Variants in SCAF8 observed in about 807,000 individuals in gnomAD.
The protein encoded by SCAF8 is SR-related CTD associated factor 8, also known as SR-related and CTD-associated factor 8.
A neutral mutation model predicts 140.5 loss-of-function variants in SCAF8; 23 were observed. The ratio of observed to expected loss-of-function variants is 0.16; its 90% CI spans 0.12 to 0.23. SCAF8 has a LOEUF of 0.23. Ranked by LOEUF, SCAF8 falls within the 10% of genes least tolerant of loss-of-function variation. The pLI, the probability that SCAF8 is intolerant of heterozygous loss-of-function variation, is 1.00. For missense variants in SCAF8, 1,397 were observed against 1,555.7 expected (o/e 0.90, Z 1.72); for synonymous variants, 575 against 528.9 (o/e 1.09, Z -1.20).
chr6:154,800,994 C>CA (rs1157280425), intron 6 of SCAF8, among the ~76,000 whole-genome samples: 1 of 151,314 alleles, frequency 6.6e-6, no homozygotes, highest in Non-Finnish European at 1.5e-5. Context: ...ACTGCGAAGT[C>CA]AGAGTAGAGG....
At chr6:154,767,665 G>T (rs12214331) in intron 1 of SCAF8, among the ~76,000 whole-genome samples, 1 of 149,898 alleles carries the variant, frequency 6.7e-6, no homozygotes, top group Non-Finnish European at 1.5e-5. Context: ...TCAGCCTGTA[G>T]TTGGGACTAC....
Position 154,832,470 on chromosome 6 carries a change from C to T in SCAF8, c.2891C>T (p.Pro964Leu), listed in dbSNP as rs758269046. 33 of 1,614,046 alleles carry T rather than the reference C, an allele frequency of 2.0e-5. No individual in the cohort carries two copies. The highest frequency in any genetic ancestry group is 1.7e-4 in the Middle Eastern group (1 of 6,058). The change falls in exon 20 of 20, where the codon CCA (proline) becomes CTA (leucine). Residue 964 changes from proline to leucine, a missense_variant. Around this residue, in one of 5 missense-constraint regions of SCAF8, gnomAD observed 930 missense variants for 874.6 expected, o/e 1.06. Coordinates refer to ENST00000367178, the MANE Select transcript of SCAF8 (RefSeq NM_014892.5). ...PPSVLDSALH[P>L]PPRGPFPPGD... is the part of the protein sequence containing the mutation. ...TCGGTACTTGATTCAGCTCTTCATC[C>T]ACCACCCCGTGGACCTTTTCCTCCA... is the stretch of plus-strand genomic sequence containing the variant.
At chr6:154,738,206 A>G (rs1291555805) in intron 1 of SCAF8, among the ~76,000 whole-genome samples, 1 of 151,902 alleles carries the variant, frequency 6.6e-6, no homozygotes, top group Non-Finnish European at 1.5e-5. Flanking sequence ...AAAAAAAAAA[A>G]AAAGAAAAGA....
At chr6:154,794,827 G>A (rs1335701033) in intron 5 of SCAF8, among the ~76,000 whole-genome samples, 182 bp from the exon 6 acceptor site, 1 of 127,630 alleles carries the variant, frequency 7.8e-6, no homozygotes, top group Non-Finnish European at 1.6e-5. Context: ...GTGTGTGTGT[G>A]TGTTTAATGT....
chr6:154,782,526 T>TA (rs1267526399), intron 3 of SCAF8, among the ~76,000 whole-genome samples: 1 of 152,162 alleles, frequency 6.6e-6, no homozygotes, highest in East Asian at 1.9e-4. Flanking sequence ...TAGAACTTGT[T>TA]ATGATCCTGT....
At chr6:154,830,508 A>G (rs1778698583) in intron 18 of SCAF8, among the ~76,000 whole-genome samples, 1 of 152,158 alleles carries the variant, frequency 6.6e-6, no homozygotes, top group Non-Finnish European at 1.5e-5. Flanking sequence ...GTAATGTTAA[A>G]TGAATGTTAG....
intron 1 of SCAF8, among the ~76,000 whole-genome samples, chr6:154,750,313 T>G (rs1380684527): frequency 6.6e-6 from 1 of 152,118 alleles, no homozygotes; most frequent in Non-Finnish European, 1.5e-5. Flanking sequence ...ACTAAATATA[T>G]GGGTTGGGTA....
In SCAF8 at chr6:154,753,752, T is replaced by C. The variant is rs2114811993; in HGVS notation, c.30+19822T>C. On this transcript the variant is annotated intron_variant, in intron 1 of 19. Transcript: ENST00000367178. ...TGGCCTACCAGCCGTTTAACAGTGG[T>C]TATTTCTGAAGAAAGCAGTAGGTGG... Among the ~76,000 whole-genome samples, 3 of 152,320 alleles carry C rather than the reference T, an allele frequency of 2.0e-5. No homozygotes were observed. The Middle Eastern group carries it at 0.01, about 518-fold the overall frequency.
chr6:154,795,932 T>G (rs534369773), intron 6 of SCAF8, among the ~76,000 whole-genome samples: 87 of 152,352 alleles, frequency 5.7e-4, no homozygotes, highest in African/African-American at 2.0e-3. Context: ...TAGATTTATT[T>G]CCATGAATAT....
chr6:154,752,524 G>A (rs536714193), intron 1 of SCAF8, among the ~76,000 whole-genome samples: 20 of 152,028 alleles, frequency 1.3e-4, no homozygotes, highest in South Asian at 2.1e-4. Flanking sequence ...CTGCAACTGC[G>A]GAACATGTAG....
chr6:154,762,182 A>G (rs1358374166), intron 1 of SCAF8, among the ~76,000 whole-genome samples: 1 of 152,216 alleles, frequency 6.6e-6, no homozygotes, highest in East Asian at 1.9e-4. Flanking sequence ...CTTGTGGCTA[A>G]AAACAGCATG....
chr6:154,785,240 C>A (rs777415805), intron 3 of SCAF8, among the ~76,000 whole-genome samples: 91 of 152,126 alleles, frequency 6.0e-4, no homozygotes, highest in Non-Finnish European at 1.2e-3. Context: ...TTGCCCACTT[C>A]TGTTGACATT....
chr6:154,822,519 G>T, intron 16 of SCAF8, 110 bp downstream of exon 16: 1 of 1,125,976 alleles, frequency 8.9e-7, no homozygotes. Context: ...TAGAATAAAT[G>T]TTTGTCAGTA....
rs796345877 is a variant in SCAF8 at position 154,733,834 on chromosome 6, T to A, written c.-67T>A. ...GGCCACGCAGCAGCCCGCGTCTCGCTCTCCCCACCCAGTGCAGTGGCCGCC... is the reference window on the plus strand; with the variant it reads ...GGCCACGCAGCAGCCCGCGTCTCGCACTCCCCACCCAGTGCAGTGGCCGCC... On this transcript the variant is annotated 5_prime_UTR_variant, in exon 1 of 20. Coordinates refer to ENST00000367178, the MANE Select transcript of SCAF8 (RefSeq NM_014892.5). 6.6e-6 allele frequency: 10 copies of A among 1,509,714 alleles called. No homozygotes were observed. In the African/African-American group the frequency reaches 1.5e-4, roughly 22 times the overall value. The allele number at this position is 1,509,714 out of a possible 1,614,324, so 93.5% of individuals were successfully genotyped here. A position where few individuals can be genotyped will look rare whatever the true frequency, so the allele number is the denominator to read the frequency against.
At chr6:154,790,294 A>C (rs1308023391) in intron 4 of SCAF8, among the ~76,000 whole-genome samples, 3 of 152,160 alleles carry the variant, frequency 2.0e-5, no homozygotes, top group Non-Finnish European at 4.4e-5. Context: ...GAGTGGAGAA[A>C]TAGTCAAATC....
rs567227183 is a variant in SCAF8 at position 154,752,161 on chromosome 6, C to G, written c.30+18231C>G. Among the ~76,000 whole-genome samples the G allele has an allele frequency of 1.6e-4, 24 of 152,216 alleles. No homozygotes were observed. The East Asian group carries it at 4.2e-3, about 27-fold the overall frequency. On this transcript the variant is annotated intron_variant, in intron 1 of 19. Coordinates refer to ENST00000367178, the MANE Select transcript of SCAF8 (RefSeq NM_014892.5). ...TTAGAAGGTTCCTAGTCTCTAGAGGCCTTTTAAAGCCTGAAAAGGCTTCAA... is the reference window on the plus strand; with the variant it reads ...TTAGAAGGTTCCTAGTCTCTAGAGGGCTTTTAAAGCCTGAAAAGGCTTCAA...
At chr6:154,780,676 T>G (rs370781700) in intron 3 of SCAF8, among the ~76,000 whole-genome samples, 46 of 152,308 alleles carry the variant, frequency 3.0e-4, no homozygotes, top group Middle Eastern at 3.4e-3. Context: ...TCCAGCTTCA[T>G]CCATGTCACT....
Position 154,829,557 on chromosome 6 carries a change from A to G in SCAF8, c.2141-1365A>G, listed in dbSNP as rs185798732. ...TATATAAAGGTTTTAACTTTTGATT[A>G]TCTAATTCATTTTCCTTGTATTCTT... On this transcript the variant is annotated intron_variant, in intron 18 of 19. Coordinates refer to ENST00000367178, the MANE Select transcript of SCAF8 (RefSeq NM_014892.5). 4.1e-3 allele frequency among the ~76,000 whole-genome samples: 620 copies of G among 152,300 alleles called. 3 individuals are homozygous for G. Among genetic ancestry groups the G allele is most frequent in the Non-Finnish European group, 4.9e-3 (335 of 68,030 alleles).
In SCAF8 at chr6:154,820,967, T is replaced by G. The variant is rs555456176; in HGVS notation, c.1792+634T>G. ...CTTTTTTCTTCACACCTTAGCTCTTTTATCAGAGTTAGCTAATTTTCAGAA... is the reference window on the plus strand; with the variant it reads ...CTTTTTTCTTCACACCTTAGCTCTTGTATCAGAGTTAGCTAATTTTCAGAA... On this transcript the variant is annotated intron_variant, in intron 15 of 19. Coordinates refer to ENST00000367178, the MANE Select transcript of SCAF8 (RefSeq NM_014892.5). Among the ~76,000 whole-genome samples, 18 of 152,340 alleles carry G rather than the reference T, an allele frequency of 1.2e-4. 1 individual carries two copies. The South Asian group carries it at 3.1e-3, about 26-fold the overall frequency.
Sources: allele counts gnomAD v4.1 joint callset (sites outside exome capture counted in the v4.1 genomes callset), GRCh38; gene constraint gnomAD v4.1.1; regional missense constraint gnomAD v4.1.1; transcripts MANE v1.5; gene names NCBI Gene and HGNC (gene_info 2026-07-23, HGNC 2026-07-21).